GRIA1: variants seen among roughly 807,000 people sequenced by gnomAD.
The protein encoded by GRIA1 is glutamate receptor 1.
GRIA1 carries 31 observed loss-of-function variants against 99.2 expected under a neutral mutation model. That is an observed-to-expected ratio of 0.31 (90% confidence interval 0.23 to 0.42). GRIA1 has a LOEUF of 0.42. Ranked by LOEUF, GRIA1 falls within the 10% of genes least tolerant of loss-of-function variation. GRIA1 has a pLI of 1.00. For missense variants in GRIA1, 782 were observed against 1,157.5 expected, an observed-to-expected ratio of 0.68 and a Z score of 4.71; for synonymous variants, 438 against 432.4, an observed-to-expected ratio of 1.01 and a Z score of -0.16.
intron 11 of GRIA1, among the ~76,000 whole-genome samples, chr5:153,716,154 T>A (rs961062113): frequency 6.6e-6 from 1 of 152,262 alleles, no homozygotes; most frequent in South Asian, 2.1e-4. Context: ...TCAGGCACTC[T>A]GACAAGTGTT....
At chr5:153,489,958 G>A (rs1000003670), upstream of GRIA1, 3 of 406,996 alleles carry the variant, frequency 7.4e-6, no homozygotes, top group Admixed American at 5.6e-5. Context: ...AGAGACCACC[G>A]TTTCACTTGT....
intron 12 of GRIA1, among the ~76,000 whole-genome samples, chr5:153,765,661 G>A (rs77496509): frequency 0.011 from 1,604 of 151,876 alleles, 33 homozygotes; most frequent in African/African-American, 0.036. Flanking sequence ...TGGACTTTAG[G>A]GATGTTTATC....
intron 13 of GRIA1, among the ~76,000 whole-genome samples, chr5:153,790,484 A>T (rs1237404562): frequency 6.6e-6 from 1 of 152,156 alleles, no homozygotes; most frequent in East Asian, 1.9e-4. Context: ...AATCTAGCCA[A>T]CTGAAAGACA....
chr5:153,560,249 C>T (rs1422065159), intron 2 of GRIA1, among the ~76,000 whole-genome samples: 2 of 152,064 alleles, frequency 1.3e-5, no homozygotes, highest in Non-Finnish European at 2.9e-5. Context: ...CTCATAATGG[C>T]TTTTTATAGA....
At chr5:153,561,599 T>C (rs1247226530) in intron 2 of GRIA1, among the ~76,000 whole-genome samples, 1 of 150,976 alleles carries the variant, frequency 6.6e-6, no homozygotes, top group Non-Finnish European at 1.5e-5. Flanking sequence ...GCTTCCATTT[T>C]CTCTAAGAAA....
At chr5:153,803,998 A>G (rs1766233649) in intron 15 of GRIA1, among the ~76,000 whole-genome samples, 1 of 151,154 alleles carries the variant, frequency 6.6e-6, no homozygotes. Flanking sequence ...TACCTACCCC[A>G]CTCCCACCCT....
At position 153,490,858 on chromosome 5, in the gene GRIA1, G is replaced by T; in HGVS notation, c.-31G>T. 6.6e-7 allele frequency: 1 copy of T among 1,521,504 alleles called. No individual in the cohort carries two copies. The highest frequency in any genetic ancestry group is 9.1e-7 in the Non-Finnish European group (1 of 1,095,784). 94.3% of individuals were successfully genotyped at this position (1,521,504 alleles called of 1,614,324 possible). On this transcript the variant is annotated 5_prime_UTR_variant, in exon 1 of 16. Coordinates refer to ENST00000285900, the MANE Select transcript of GRIA1 (RefSeq NM_000827.4). ...AAACACCAAATCTATGATTGGACCT[G>T]GGCTTCTTTTTCGCCAATGCAAAAA...
At chr5:153,517,198 G>A (rs1385358015) in intron 2 of GRIA1, among the ~76,000 whole-genome samples, 1 of 152,094 alleles carries the variant, frequency 6.6e-6, no homozygotes, top group East Asian at 1.9e-4. Context: ...CCGAACCAGC[G>A]AGGAGAAAAC....
rs372373205 is a variant in GRIA1, at chr5:153,686,335, G to T, written c.1134+6G>T. 1.9e-6 allele frequency: 3 copies of T among 1,606,900 alleles called. No individual in the cohort carries two copies. Among genetic ancestry groups the T allele is most frequent in the African/African-American group, 1.3e-5 (1 of 74,744 alleles). On this transcript the variant is annotated splice_donor_region_variant and intron_variant, in intron 8 of 15. Transcript: ENST00000285900. ...AACATGACGGCATCCGAAAGGTAAG[G>T]TCCCCCTTTACTTCTGTTCTGCAGA...
intron 12 of GRIA1, among the ~76,000 whole-genome samples, 178 bp downstream of exon 12, chr5:153,764,810 C>T (rs564971496): frequency 6.4e-4 from 98 of 152,228 alleles, no homozygotes; most frequent in Non-Finnish European, 1.3e-3. Context: ...GAGAAATCTA[C>T]ATTTCTACAT....
chr5:153,658,959 G>A (rs2149468477), intron 5 of GRIA1, among the ~76,000 whole-genome samples: 1 of 132,186 alleles, frequency 7.6e-6, no homozygotes, highest in South Asian at 2.2e-4. Context: ...TATAGGCAAG[G>A]AGTCAAAACA....
chr5:153,674,910 T>G (rs1756456468), intron 6 of GRIA1, among the ~76,000 whole-genome samples: 2 of 152,200 alleles, frequency 1.3e-5, no homozygotes, highest in Admixed American at 1.3e-4. Flanking sequence ...AGTCCCAGAC[T>G]TGTAAAATGG....
At chr5:153,657,141 T>A (rs988433640) in intron 5 of GRIA1, among the ~76,000 whole-genome samples, 1 of 152,236 alleles carries the variant, frequency 6.6e-6, no homozygotes, top group African/African-American at 2.4e-5. Context: ...ACTTTTTGAC[T>A]ATTATGAATA....
chr5:153,795,312 G>A (rs1010087119), intron 14 of GRIA1, among the ~76,000 whole-genome samples: 21 of 152,122 alleles, frequency 1.4e-4, no homozygotes, highest in African/African-American at 5.1e-4. Context: ...TGTGTTGGGC[G>A]GGCAGTGACA....
intron 15 of GRIA1, among the ~76,000 whole-genome samples, chr5:153,809,501 A>C (rs1176043736): frequency 1.3e-5 from 2 of 152,250 alleles, no homozygotes; most frequent in Non-Finnish European, 2.9e-5. Flanking sequence ...AGGGGAAAAA[A>C]ATGGGTCAAA....
intron 11 of GRIA1, among the ~76,000 whole-genome samples, chr5:153,743,729 T>G (rs1013636006): frequency 6.6e-6 from 1 of 152,198 alleles, no homozygotes; most frequent in Non-Finnish European, 1.5e-5. Flanking sequence ...CTGTCTTAAG[T>G]TCAACTGATT....
intron 14 of GRIA1, chr5:153,795,477 G>A (rs1328954418): frequency 5.1e-6 from 8 of 1,567,066 alleles, no homozygotes; most frequent in Non-Finnish European, 7.0e-6. Context: ...TGGTTGAAGA[G>A]GTCCCGTAAA....
At chr5:153,582,315 TC>T (rs1763113326) in intron 2 of GRIA1, among the ~76,000 whole-genome samples, 1 of 152,154 alleles carries the variant, frequency 6.6e-6, no homozygotes, top group Admixed American at 6.5e-5. Flanking sequence ...TGTTCATGGA[TC>T]CCTAGAAAGT....
chr5:153,562,844 A>G (rs1365461275), intron 2 of GRIA1, among the ~76,000 whole-genome samples: 1 of 152,162 alleles, frequency 6.6e-6, no homozygotes. Context: ...CAATTTCTTA[A>G]AAGAGTACTT....
Sources: gnomAD v4.1 joint callset for allele counts (sites outside exome capture counted in the v4.1 genomes callset) on GRCh38, gnomAD v4.1.1 for gene constraint, MANE v1.5 for transcripts, NCBI Gene and HGNC (gene_info 2026-07-23, HGNC 2026-07-21) for gene names.